TAAR2: variants seen among roughly 807,000 people sequenced by gnomAD.
TAAR2 encodes trace amine associated receptor 2.
A neutral mutation model predicts 25.5 loss-of-function variants in TAAR2; 30 were observed. The observed-to-expected ratio is 1.18, with a 90% confidence interval of 0.88 to 1.60. The LOEUF is 1.60. Ranked by LOEUF, TAAR2 falls within the 40% of genes most tolerant of loss-of-function variation. TAAR2 has a pLI of 0.00. For synonymous variants in TAAR2, 150 were observed against 142.4 expected (o/e 1.05, Z -0.38); for missense variants, 481 against 416.5 (o/e 1.15, Z -1.35).
Position 132,617,171 on chromosome 6 carries a change from A to G in TAAR2, c.1035T>C (p.Cys345=). The G allele has an allele frequency of 6.3e-7, 1 of 1,583,194 alleles. No homozygotes were observed. The highest frequency in any genetic ancestry group is 8.5e-7 in the Non-Finnish European group (1 of 1,171,356). ...AAGCCTACTCACTTTCTTTTTGCAT[A>G]CACAAAATAGTATTATGGAAACATG... ...FSSCFHNTIL[C]MQKESE Residue 345 remains cysteine (C), a synonymous_variant, in exon 2 of 2, where the codon TGT becomes TGC. Transcript: ENST00000367931.
intron 1 of TAAR2, among the ~76,000 whole-genome samples, chr6:132,623,800 C>A (rs546098553): frequency 5.3e-5 from 8 of 152,058 alleles, no homozygotes; most frequent in African/African-American, 1.9e-4. Context: ...GGAGTCTCTG[C>A]TTACCTAAGA....
At chr6:132,623,110 G>T (rs1280238755) in intron 1 of TAAR2, among the ~76,000 whole-genome samples, 1 of 152,038 alleles carries the variant, frequency 6.6e-6, no homozygotes, top group African/African-American at 2.4e-5. Flanking sequence ...GACCAGAAAA[G>T]ATTTCTCCTA....
intron 1 of TAAR2, among the ~76,000 whole-genome samples, chr6:132,623,929 T>C (rs1420006701): frequency 6.6e-6 from 1 of 151,988 alleles, no homozygotes; most frequent in African/African-American, 2.4e-5. Flanking sequence ...CACACATGGA[T>C]GGGACCTCTG....
Position 132,617,453 on chromosome 6 carries a change from A to G in TAAR2, c.753T>C (p.Asn251=), listed in dbSNP as rs1409129060. The change falls in exon 2 of 2, where the codon AAT becomes AAC. Residue 251 remains asparagine (N), a synonymous_variant. Transcript: ENST00000367931. Reference sequence around the variant, plus strand: ...CTTTTTTGTCTTTCTTCACTTGATTATTTTGATTTTCTCGCAAGTTATTGA... The same window carrying G: ...CTTTTTTGTCTTTCTTCACTTGATTGTTTTGATTTTCTCGCAAGTTATTGA... ...HAINNLRENQ[N]NQVKKDKKAA... The G allele has an allele frequency of 2.5e-6, 4 of 1,613,608 alleles. No individual in the cohort carries two copies.
intron 1 of TAAR2, among the ~76,000 whole-genome samples, chr6:132,622,478 C>CTTTTTTTTTTTTTTTTTTTTTT (rs1156767001): frequency 1.4e-4 from 8 of 57,378 alleles, no homozygotes; most frequent in African/African-American, 2.4e-4. Flanking sequence ...TTAGTAACCA[C>CTTTTTTTTTTTTTTTTTTTTTT]TTTTTTTTTT....
rs531910717 is a variant in TAAR2 at position 132,618,200 on chromosome 6, T to C, written c.61-55A>G. The C allele has an allele frequency of 2.1e-6, 3 of 1,462,692 alleles. No individual in the cohort carries two copies. The East Asian group carries it at 7.1e-5, about 35-fold the overall frequency. The allele number at this position is 1,462,692 out of a possible 1,614,324, so 90.6% of individuals were successfully genotyped here. A position where few individuals can be genotyped will look rare whatever the true frequency, so the allele number is the denominator to read the frequency against. ...GTCAGAATATAAATATTCTATGTTTTATATATGCTTTCATAGAAAAACTCA... is the reference window on the plus strand; with the variant it reads ...GTCAGAATATAAATATTCTATGTTTCATATATGCTTTCATAGAAAAACTCA... On this transcript the variant is annotated intron_variant, in intron 1 of 1. Transcript: ENST00000367931.
Position 132,624,198 on chromosome 6 carries a change from A to T in TAAR2, c.60+18T>A. On this transcript the variant is annotated intron_variant, in intron 1 of 1. Coordinates refer to ENST00000367931, the MANE Select transcript of TAAR2 (RefSeq NM_001033080.1). ...AGATGCTACTGGTTTAAACTTAGTC[A>T]TATGTTTAAGGGCCTACCTTTTTTG... 1 of 1,611,182 alleles carries T rather than the reference A, an allele frequency of 6.2e-7. No homozygotes were observed.
chr6:132,617,390 T>A lies in TAAR2; in HGVS notation c.816A>T (p.Leu272Phe). Residue 272 changes from leucine (L) to phenylalanine (F), a missense_variant, in exon 2 of 2, where the codon TTA becomes TTT. Coordinates refer to ENST00000367931, the MANE Select transcript of TAAR2 (RefSeq NM_001033080.1). ...TGAAGAAACAAGGAAACCAACATAA[T>A]AAGAAAACTCCTATCACTATTCCTA... Reference protein sequence around the residue: ...KTLGIVIGVFLLCWFPCFFTI... With the variant: ...KTLGIVIGVFFLCWFPCFFTI... 1 of 1,613,758 alleles carries A rather than the reference T, an allele frequency of 6.2e-7. No individual in the cohort carries two copies. The highest frequency in any genetic ancestry group is 2.2e-5 in the East Asian group (1 of 44,760).
chr6:132,622,609 C>A (rs1028229358), intron 1 of TAAR2, among the ~76,000 whole-genome samples: 2 of 150,862 alleles, frequency 1.3e-5, no homozygotes, highest in South Asian at 2.1e-4. Context: ...CCTCAGCTTC[C>A]TGAGTAGCTG....
At chr6:132,620,627 G>C (rs983375932) in intron 1 of TAAR2, among the ~76,000 whole-genome samples, 5 of 152,068 alleles carry the variant, frequency 3.3e-5, no homozygotes, top group Non-Finnish European at 7.3e-5. Context: ...GGGCCAGAGC[G>C]GGGAGGAGGA....
intron 1 of TAAR2, 119 bp downstream of exon 1, chr6:132,624,097 C>A: frequency 1.0e-6 from 1 of 966,464 alleles, no homozygotes; most frequent in East Asian, 2.6e-5. Flanking sequence ...ATTTCATCAA[C>A]CCTTTTAGAT....
At chr6:132,624,176 T>C (rs765970072) in intron 1 of TAAR2, 40 bp downstream of exon 1, 3 of 1,588,256 alleles carry the variant, frequency 1.9e-6, no homozygotes, top group Non-Finnish European at 2.6e-6. Flanking sequence ...TCTTCTCAGA[T>C]GCTACTGGTT....
intron 1 of TAAR2, among the ~76,000 whole-genome samples, chr6:132,621,944 C>T (rs1034370677): frequency 6.6e-6 from 1 of 152,054 alleles, no homozygotes; most frequent in South Asian, 2.1e-4. Context: ...TTTCAAAAAC[C>T]GTATCTTTCA....
chr6:132,624,208 G>A lies in TAAR2; in HGVS notation c.60+8C>T. On this transcript the variant is annotated splice_region_variant and intron_variant, in intron 1 of 1. Coordinates refer to ENST00000367931, the MANE Select transcript of TAAR2 (RefSeq NM_001033080.1). ...GGTTTAAACTTAGTCATATGTTTAA[G>A]GGCCTACCTTTTTTGTCTGTGTTCT... 2 of 1,613,232 alleles carry A rather than the reference G, an allele frequency of 1.2e-6. No individual in the cohort carries two copies. Among genetic ancestry groups the A allele is most frequent in the Non-Finnish European group, 8.5e-7 (1 of 1,179,526 alleles).
intron 1 of TAAR2, among the ~76,000 whole-genome samples, chr6:132,618,386 TC>T (rs1437487507): frequency 1.3e-5 from 2 of 152,192 alleles, no homozygotes; most frequent in Non-Finnish European, 2.9e-5. Flanking sequence ...ACGCCTGTAA[TC>T]CCAGCACTTT....
At chr6:132,620,125 G>A (rs1314608136) in intron 1 of TAAR2, among the ~76,000 whole-genome samples, 1 of 152,176 alleles carries the variant, frequency 6.6e-6, no homozygotes, top group Non-Finnish European at 1.5e-5. Flanking sequence ...AAGTAATTAA[G>A]TTAGTTACAA....
At position 132,617,488 on chromosome 6, in the gene TAAR2, C is replaced by A. The variant is rs752451016; in HGVS notation, c.718G>T (p.Ala240Ser). The A allele has an allele frequency of 6.2e-7, 1 of 1,613,980 alleles. No individual in the cohort carries two copies. Among genetic ancestry groups the A allele is most frequent in the South Asian group, 1.1e-5 (1 of 91,078 alleles). The change falls in exon 2 of 2, where the codon GCT (alanine) becomes TCT (serine). Residue 240 changes from alanine (A) to serine (S), a missense_variant. Ala to Ser is a moderately conservative substitution (Grantham distance 99). Coordinates refer to ENST00000367931, the MANE Select transcript of TAAR2 (RefSeq NM_001033080.1). ...TCTCGCAAGTTATTGATGGCATGAG[C>A]ATGTTTTCTGGATACTGCAAAAATT... ...GKIFAVSRKH[A>S]HAINNLRENQ... is the part of the protein sequence containing the mutation.
intron 1 of TAAR2, among the ~76,000 whole-genome samples, chr6:132,622,230 TTAAAA>T (rs879880082): frequency 6.6e-6 from 1 of 151,832 alleles, no homozygotes; most frequent in Non-Finnish European, 1.5e-5. Context: ...TACTAAATTG[TTAAAA>T]TAAAAGTGTT....
chr6:132,617,342 CA>C lies in TAAR2; in HGVS notation c.863del (p.Leu288Ter). On this transcript the variant is annotated frameshift_variant, in exon 2 of 2. Transcript: ENST00000367931. LOFTEE classifies it high-confidence loss of function. ...ACAAAACTACAGGAGTAGAGAAGTT[CA>C]AAAAGGGATCCAATAAAATTGTGAA... ...CFFTILLDPF[L>X]NFSTPVVLFD... 1 of 1,613,318 alleles carries C rather than the reference CA, an allele frequency of 6.2e-7. No individual in the cohort carries two copies. Among genetic ancestry groups the C allele is most frequent in the Non-Finnish European group, 8.5e-7 (1 of 1,179,770 alleles).
Sources: gnomAD v4.1 joint callset for allele counts (sites outside exome capture counted in the v4.1 genomes callset) on GRCh38, gnomAD v4.1.1 for gene constraint, MANE v1.5 for transcripts, NCBI Gene and HGNC (gene_info 2026-07-23, HGNC 2026-07-21) for gene names.